KCNIP4: variants seen among roughly 807,000 people sequenced by gnomAD.
KCNIP4 encodes the protein Kv channel-interacting protein 4.
In KCNIP4, 12 loss-of-function variants were observed where a neutral mutation model predicts 34.0. That is an observed-to-expected ratio of 0.35 (90% CI 0.23 to 0.57). The LOEUF is 0.57. KCNIP4 is among the 20% of genes least tolerant of loss of function. The probability of loss-of-function intolerance (pLI) is 0.83; values close to 1 mark genes in which losing one functional copy is unlikely to be tolerated. For missense variants in KCNIP4, 238 were observed against 311.7 expected, an observed-to-expected ratio of 0.76 and a Z score of 1.78; for synonymous variants, 124 against 102.2, an observed-to-expected ratio of 1.21 and a Z score of -1.29.
At chr4:21,898,881 T>C (rs1727554357) in intron 1 of KCNIP4, among the ~76,000 whole-genome samples, 2 of 152,104 alleles carry the variant, frequency 1.3e-5, no homozygotes. Flanking sequence ...TTAGACAGCA[T>C]TTCTGGACCT....
At chr4:20,789,235 T>C (rs1712411518) in intron 3 of KCNIP4, among the ~76,000 whole-genome samples, 7 of 152,166 alleles carry the variant, frequency 4.6e-5, no homozygotes, top group Admixed American at 4.6e-4. Flanking sequence ...ATCACATTTT[T>C]AGTAAATGTC....
intron 3 of KCNIP4, among the ~76,000 whole-genome samples, chr4:20,779,196 T>C (rs1208409886): frequency 1.3e-5 from 2 of 152,184 alleles, no homozygotes; most frequent in East Asian, 3.9e-4. Context: ...TGGTTTTGAT[T>C]GAATAATACA....
At chr4:21,033,996 A>C (rs1056906090) in intron 1 of KCNIP4, among the ~76,000 whole-genome samples, 1 of 152,206 alleles carries the variant, frequency 6.6e-6, no homozygotes, top group Non-Finnish European at 1.5e-5. Flanking sequence ...AGTGTTATAT[A>C]CACATAATTA....
intron 1 of KCNIP4, among the ~76,000 whole-genome samples, chr4:21,396,685 A>G (rs924411179): frequency 6.6e-6 from 1 of 152,104 alleles, no homozygotes; most frequent in African/African-American, 2.4e-5. Flanking sequence ...CAAAGTTGTC[A>G]CTATGACTCT....
chr4:21,434,853 A>T (rs1310523306), intron 1 of KCNIP4, among the ~76,000 whole-genome samples: 1 of 151,860 alleles, frequency 6.6e-6, no homozygotes, highest in Non-Finnish European at 1.5e-5. Context: ...ACTGAGTTCA[A>T]ATTCTGTGTC....
chr4:21,166,776 T>C (rs1460110423), intron 1 of KCNIP4, among the ~76,000 whole-genome samples: 2 of 151,724 alleles, frequency 1.3e-5, no homozygotes, highest in East Asian at 1.9e-4. Context: ...CCGTCTCTGC[T>C]AAAAATACAA....
intron 1 of KCNIP4, among the ~76,000 whole-genome samples, chr4:21,868,857 G>A (rs1430342187): frequency 6.6e-6 from 1 of 152,182 alleles, no homozygotes; most frequent in Non-Finnish European, 1.5e-5. Flanking sequence ...CATTGGAACT[G>A]ATCTTTCTTT....
chr4:21,116,889 T>C (rs1362224336), intron 1 of KCNIP4, among the ~76,000 whole-genome samples: 2 of 152,196 alleles, frequency 1.3e-5, no homozygotes, highest in African/African-American at 4.8e-5. Flanking sequence ...AGCATTATAA[T>C]TAGTCAAATA....
At chr4:21,225,028 G>A (rs553118814) in intron 1 of KCNIP4, among the ~76,000 whole-genome samples, 1 of 152,162 alleles carries the variant, frequency 6.6e-6, no homozygotes, top group South Asian at 2.1e-4. Flanking sequence ...GTGGGCTACT[G>A]TAAGTGTTCT....
intron 1 of KCNIP4, among the ~76,000 whole-genome samples, chr4:21,035,165 T>G (rs1427525790): frequency 6.6e-6 from 1 of 152,234 alleles, no homozygotes; most frequent in Non-Finnish European, 1.5e-5. Flanking sequence ...ATTTCTGATC[T>G]AAATTGCTAG....
At chr4:21,506,348 T>C (rs1346730027) in intron 1 of KCNIP4, among the ~76,000 whole-genome samples, 1 of 152,198 alleles carries the variant, frequency 6.6e-6, no homozygotes, top group East Asian at 1.9e-4. Flanking sequence ...CCTCACTCTA[T>C]TTTGTGTGAA....
intron 1 of KCNIP4, among the ~76,000 whole-genome samples, chr4:21,522,312 T>C (rs1329472000): frequency 6.6e-6 from 1 of 152,104 alleles, no homozygotes; most frequent in African/African-American, 2.4e-5. Context: ...TTGTACAAAA[T>C]GTTTTAGGCA....
At chr4:21,105,232 G>A (rs2109082077) in intron 1 of KCNIP4, among the ~76,000 whole-genome samples, 1 of 151,692 alleles carries the variant, frequency 6.6e-6, no homozygotes. Flanking sequence ...CCATGAGCAT[G>A]GAATGTTCTT....
intron 1 of KCNIP4, among the ~76,000 whole-genome samples, chr4:21,594,560 C>A (rs1742468648): frequency 6.6e-6 from 1 of 151,890 alleles, no homozygotes; most frequent in South Asian, 2.1e-4. Flanking sequence ...TAGAAACCAG[C>A]ATTAGAAATT....
intron 1 of KCNIP4, among the ~76,000 whole-genome samples, chr4:21,119,667 GTTCT>G (rs1035771391): frequency 6.6e-6 from 1 of 151,688 alleles, no homozygotes; most frequent in Non-Finnish European, 1.5e-5. Context: ...TAGAAATTGG[GTTCT>G]TTGTTAAATT....
At chr4:21,512,211 A>G (rs1265771894) in intron 1 of KCNIP4, among the ~76,000 whole-genome samples, 1 of 151,830 alleles carries the variant, frequency 6.6e-6, no homozygotes, top group Non-Finnish European at 1.5e-5. Flanking sequence ...GAAGGAAGGA[A>G]GGAAGGAAGG....
At chr4:21,185,326 T>C (rs1755133503) in intron 1 of KCNIP4, among the ~76,000 whole-genome samples, 1 of 147,310 alleles carries the variant, frequency 6.8e-6, no homozygotes, top group Non-Finnish European at 1.5e-5. Flanking sequence ...TGGAATTTCG[T>C]CAGGAGTTTT....
chr4:20,907,207 C>T (rs934768056), intron 1 of KCNIP4, among the ~76,000 whole-genome samples: 1 of 152,146 alleles, frequency 6.6e-6, no homozygotes, highest in Admixed American at 6.5e-5. Flanking sequence ...GGAAACTGAG[C>T]TTTAAATGTT....
rs78840088 is a variant in KCNIP4 at position 21,402,050 on chromosome 4, G to A, written c.62-519341C>T. On this transcript the variant is annotated intron_variant, in intron 1 of 8. Coordinates refer to ENST00000382152, the MANE Select transcript of KCNIP4 (RefSeq NM_025221.6). Reference sequence around the variant, plus strand: ...GAAATGTCCTATTAACTTGAATGAGGCATTAAAGGGTCTTTGATGCAGTTC... The same window carrying A: ...GAAATGTCCTATTAACTTGAATGAGACATTAAAGGGTCTTTGATGCAGTTC... 9.4e-3 allele frequency among the ~76,000 whole-genome samples: 1,432 copies of A among 152,258 alleles called. 13 individuals are homozygous for A. The highest frequency in any genetic ancestry group is 0.016 in the Non-Finnish European group (1,081 of 68,020).
Sources: allele counts gnomAD v4.1 joint callset (sites outside exome capture counted in the v4.1 genomes callset), GRCh38; gene constraint gnomAD v4.1.1; transcripts MANE v1.5; gene names NCBI Gene and HGNC (gene_info 2026-07-23, HGNC 2026-07-21).